Variants in LYST observed in about 807,000 individuals in gnomAD.
LYST encodes lysosomal trafficking regulator.
LYST carries 192 observed loss-of-function variants against 413.6 expected under a neutral mutation model. The ratio of observed to expected loss-of-function variants is 0.46; its 90% CI spans 0.41 to 0.52. LYST has a LOEUF of 0.52. Ranked by LOEUF, LYST falls within the 20% of genes least tolerant of loss-of-function variation. The pLI, the probability that LYST is intolerant of heterozygous loss-of-function variation, is 0.00. For synonymous variants in LYST, 1,525 were observed against 1,567.3 expected (o/e 0.97, Z 0.64); for missense variants, 3,815 against 4,499.9 (o/e 0.85, Z 4.35).
rs201576299 is a variant in LYST at position 235,697,169 on chromosome 1, A to T, written c.10478T>A (p.Phe3493Tyr). 18 of 1,614,134 alleles carry T rather than the reference A, an allele frequency of 1.1e-5. No homozygotes were observed. The highest frequency in any genetic ancestry group is 1.5e-5 in the Non-Finnish European group (18 of 1,179,974). ...VCFSQPHGER[F>Y]GSLQALPTRA... ...GGTGGGCAGAGCCTGGAGAGAGCCA[A>T]ATCTTTCTCCGTGGGGCTGGCTGAA... The change falls in exon 46 of 53, where the codon TTT becomes TAT. Residue 3493 changes from phenylalanine (F) to tyrosine (Y), a missense_variant. Phe to Tyr is a conservative substitution (Grantham distance 22). This residue lies in a region of LYST where 866 missense variants were observed against 1,156.0 expected (regional missense o/e 0.75). Coordinates refer to ENST00000389793, the MANE Select transcript of LYST (RefSeq NM_000081.4).
At chr1:235,780,189 T>A (rs2103472161) in intron 16 of LYST, among the ~76,000 whole-genome samples, 2 of 152,156 alleles carry the variant, frequency 1.3e-5, no homozygotes, top group Middle Eastern at 3.4e-3. Flanking sequence ...GAAGATCGCT[T>A]GAGGCCAGGA....
At chr1:235,812,386 A>C (rs900669108) in intron 4 of LYST, among the ~76,000 whole-genome samples, 1 of 151,942 alleles carries the variant, frequency 6.6e-6, no homozygotes, top group Non-Finnish European at 1.5e-5. Context: ...GCACGACTGT[A>C]ATCCCATCTA....
At chr1:235,687,119 T>A in intron 47 of LYST, 72 bp from the exon 48 acceptor site, 2 of 1,069,136 alleles carry the variant, frequency 1.9e-6, no homozygotes, top group South Asian at 1.4e-5. Flanking sequence ...AAAAATAAAA[T>A]AAAAGAATGA....
rs778078285 is a variant in LYST, at chr1:235,759,279, T to C, written c.6574A>G (p.Lys2192Glu). Residue 2192 changes from lysine to glutamate, a missense_variant, in exon 23 of 53, where the codon AAG becomes GAG. This residue lies in a region of LYST where 771 missense variants were observed against 837.1 expected (regional missense o/e 0.92). Coordinates refer to ENST00000389793, the MANE Select transcript of LYST (RefSeq NM_000081.4). ...ACCACTGGAAATCCCAGCACTCCCT[T>C]TGGGACATCACTGACAGAGACCTGG... ...SAQVSVSDVP[K>E]GVLGFPVVKA... The C allele has an allele frequency of 4.3e-6, 7 of 1,614,012 alleles. No individual in the cohort carries two copies. The African/African-American group carries it at 6.7e-5, about 15-fold the overall frequency.
chr1:235,724,168 C>T lies in LYST; in HGVS notation c.9175G>A (p.Glu3059Lys). The T allele has an allele frequency of 3.7e-6, 6 of 1,613,676 alleles. No homozygotes were observed. Among genetic ancestry groups the T allele is most frequent in the Non-Finnish European group, 5.1e-6 (6 of 1,179,706 alleles). The change falls in exon 39 of 53, where the codon GAG (glutamate) becomes AAG (lysine). Residue 3059 changes from glutamate to lysine, a missense_variant. Transcript: ENST00000389793. ...CAGGAAAATGATGCTGGTTCCAACT[C>T]TCCCTGAAGGCTCTAAGACAAAGAA... ...DTVESSSLQGELEPASFSWTY... is the reference protein window; with the variant it reads ...DTVESSSLQGKLEPASFSWTY...
chr1:235,669,649 G>T (rs768142892), intron 50 of LYST, among the ~76,000 whole-genome samples: 2 of 152,212 alleles, frequency 1.3e-5, no homozygotes, highest in Non-Finnish European at 2.9e-5. Flanking sequence ...TTCACATGAC[G>T]TGAGCATAAA....
Position 235,737,916 on chromosome 1 carries a change from A to AATAGAGAG in LYST, c.8359-3258_8359-3257insCTCTCTAT. The AATAGAGAG allele has an allele frequency of 2.8e-5, 33 of 1,163,404 alleles. No individual in the cohort carries two copies. The South Asian group carries it at 3.1e-4, about 11-fold the overall frequency. The allele number at this position is 1,163,404 out of a possible 1,614,324, so 72.1% of individuals were successfully genotyped here. A position where few individuals can be genotyped will look rare whatever the true frequency, so the allele number is the denominator to read the frequency against. On this transcript the variant is annotated intron_variant, in intron 31 of 52. Transcript: ENST00000389793. ...GAAGGTGCTGGAGCCGCTGCCGACGAGTCTGGATCTCACTGCCGCGTGCCC... is the reference window on the plus strand; with the variant it reads ...GAAGGTGCTGGAGCCGCTGCCGACGAATAGAGAGGTCTGGATCTCACTGCCGCGTGCCC...
chr1:235,778,401 G>A (rs1489720442), intron 16 of LYST, among the ~76,000 whole-genome samples: 2 of 151,874 alleles, frequency 1.3e-5, no homozygotes, highest in Non-Finnish European at 2.9e-5. Context: ...CCGAGACGGA[G>A]TCTTGCTCTG....
At position 235,808,914 on chromosome 1, in the gene LYST, G is replaced by A; in HGVS notation, c.1904C>T (p.Ala635Val). The A allele has an allele frequency of 1.9e-6, 3 of 1,612,348 alleles. No homozygotes were observed. The highest frequency in any genetic ancestry group is 2.5e-6 in the Non-Finnish European group (3 of 1,179,008). Residue 635 changes from alanine to valine, a missense_variant, in exon 5 of 53, where the codon GCA becomes GTA. Transcript: ENST00000389793. ...GAEISPKIKK[A>V]ACNICTVDSD... ...GTCAACAGTACAAATATTACAAGCT[G>A]CTTTTTTAATTTTTGGTGATATCTC...
At chr1:235,821,106 TA>T (rs1674701015) in intron 3 of LYST, among the ~76,000 whole-genome samples, 1 of 152,218 alleles carries the variant, frequency 6.6e-6, no homozygotes, top group African/African-American at 2.4e-5. Context: ...AATAAAGAAT[TA>T]TGCTTGTATT....
chr1:235,787,375 T>C lies in LYST; in HGVS notation c.4689-2A>G. On this transcript the variant is annotated splice_acceptor_variant, in intron 13 of 52. Transcript: ENST00000389793. LOFTEE classifies it high-confidence loss of function. ...TCATCATTTGAATCCATGCACACAC[T>C]ACAGAAAAAGAGAAAAGGCATAGGC... is the stretch of plus-strand genomic sequence containing the variant. 1 of 1,613,130 alleles carries C rather than the reference T, an allele frequency of 6.2e-7. No homozygotes were observed. The highest frequency in any genetic ancestry group is 8.5e-7 in the Non-Finnish European group (1 of 1,179,262).
At chr1:235,690,106 G>A (rs74488790) in intron 47 of LYST, among the ~76,000 whole-genome samples, 1,994 of 152,266 alleles carry the variant, frequency 0.013, 34 homozygotes, top group South Asian at 0.049. Context: ...TTAACATTGC[G>A]TTGAAAACAT....
intron 17 of LYST, 75 bp downstream of exon 17, chr1:235,776,987 CA>C (rs920843353): frequency 7.3e-7 from 1 of 1,363,882 alleles, no homozygotes; most frequent in Non-Finnish European, 1.0e-6. Flanking sequence ...TCGTGTGGTC[CA>C]AAAGAAATCC....
intron 30 of LYST, among the ~76,000 whole-genome samples, chr1:235,742,948 G>A (rs1037384684): frequency 1.3e-5 from 2 of 151,958 alleles, no homozygotes; most frequent in Non-Finnish European, 2.9e-5. Flanking sequence ...AAAGTATATT[G>A]TTATAACTCT....
At chr1:235,800,625 C>T (rs1389505522) in intron 9 of LYST, among the ~76,000 whole-genome samples, 1 of 151,840 alleles carries the variant, frequency 6.6e-6, no homozygotes, top group African/African-American at 2.4e-5. Context: ...AAAATATTAC[C>T]CAGTCTCAGA....
At chr1:235,760,014 AT>A (rs1667429418) in intron 22 of LYST, among the ~76,000 whole-genome samples, 1 of 152,212 alleles carries the variant, frequency 6.6e-6, no homozygotes, top group South Asian at 2.1e-4. Context: ...TCTTAACAAA[AT>A]ACAGTATTGA....
In LYST at chr1:235,661,402, A is replaced by T. The variant is rs1280360943; in HGVS notation, c.*1538T>A. The T allele has an allele frequency of 1.3e-5, 2 of 152,428 alleles. No individual in the cohort carries two copies. Among genetic ancestry groups the T allele is most frequent in the African/African-American group, 2.4e-5 (1 of 41,440 alleles). The allele number at this position is 152,428 out of a possible 1,614,324, so 9.4% of individuals were successfully genotyped here. ...GCTGCAATTTTTTGTTAACAAAGCA[A>T]ATCACTTCAACGTGAATAGGAGTAA... On this transcript the variant is annotated 3_prime_UTR_variant, in exon 53 of 53. Transcript: ENST00000389793.
chr1:235,706,275 A>T (rs1661981643), intron 44 of LYST, among the ~76,000 whole-genome samples: 1 of 152,160 alleles, frequency 6.6e-6, no homozygotes, highest in Non-Finnish European at 1.5e-5. Flanking sequence ...CTTTCCCCTG[A>T]AGCAGATCAT....
intron 39 of LYST, among the ~76,000 whole-genome samples, chr1:235,722,907 G>A (rs1169947249): frequency 1.3e-5 from 2 of 152,136 alleles, no homozygotes; most frequent in African/African-American, 2.4e-5. Flanking sequence ...AAGAAATATG[G>A]CAATTTTTAT....
Sources: allele counts gnomAD v4.1 joint callset (sites outside exome capture counted in the v4.1 genomes callset), GRCh38; gene constraint gnomAD v4.1.1; regional missense constraint gnomAD v4.1.1; transcripts MANE v1.5; gene names NCBI Gene and HGNC (gene_info 2026-07-23, HGNC 2026-07-21).